The following LYPLAL1 variants were observed in gnomAD, a reference collection of about 807,000 sequenced individuals.
LYPLAL1 encodes the protein lysophospholipase-like protein 1.
LYPLAL1 carries 23 observed loss-of-function variants against 19.7 expected under a neutral mutation model. The observed-to-expected ratio is 1.17, with a 90% CI of 0.84 to 1.65. The LOEUF is 1.65. Ranked by LOEUF, LYPLAL1 falls within the 40% of genes most tolerant of loss-of-function variation. The probability of loss-of-function intolerance (pLI) is 0.00; values close to 1 mark genes in which losing one functional copy is unlikely to be tolerated. For missense variants in LYPLAL1, 355 were observed against 279.4 expected (o/e 1.27, Z -1.93); for synonymous variants, 119 against 96.3 (o/e 1.24, Z -1.38).
the LYPLAL1 span, among the ~76,000 whole-genome samples, chr1:219,318,431 A>G: frequency 6.6e-6 from 1 of 151,910 alleles, no homozygotes; most frequent in Non-Finnish European, 1.5e-5. Context: ...TCACATTGCA[A>G]CTTGAATTGC....
At chr1:219,347,857 G>A in the LYPLAL1 span, among the ~76,000 whole-genome samples, 1 of 150,368 alleles carries the variant, frequency 6.7e-6, no homozygotes, top group African/African-American at 2.5e-5. Flanking sequence ...TCTCCTTGAT[G>A]CACAGAAAAA....
the LYPLAL1 span, among the ~76,000 whole-genome samples, chr1:219,373,882 CAAAA>C: frequency 1.9e-3 from 229 of 119,602 alleles, 2 homozygotes; most frequent in African/African-American, 6.2e-3. Flanking sequence ...AAAAAAAAAA[CAAAA>C]AAAAAAACAC....
At chr1:219,366,326 AC>A in the LYPLAL1 span, among the ~76,000 whole-genome samples, 1 of 152,252 alleles carries the variant, frequency 6.6e-6, no homozygotes, top group African/African-American at 2.4e-5. Context: ...TCATCTGGTT[AC>A]AGAAACAAGG....
chr1:219,344,331 C>T, the LYPLAL1 span, among the ~76,000 whole-genome samples: 1 of 152,176 alleles, frequency 6.6e-6, no homozygotes, highest in African/African-American at 2.4e-5. Context: ...GAAAGTGGCT[C>T]CTCCTTTGAC....
chr1:219,186,999 T>C (rs1283692231), intron 2 of LYPLAL1, among the ~76,000 whole-genome samples: 3 of 151,610 alleles, frequency 2.0e-5, no homozygotes, highest in Non-Finnish European at 4.4e-5. Flanking sequence ...ATGATATACA[T>C]AGCAAAGCTT....
chr1:219,342,219 C>G, the LYPLAL1 span, among the ~76,000 whole-genome samples: 2 of 152,046 alleles, frequency 1.3e-5, no homozygotes, highest in African/African-American at 4.8e-5. Context: ...TTTTGCATGA[C>G]TTGTAAGCAG....
the LYPLAL1 span, chr1:219,273,504 G>C: frequency 6.6e-6 from 1 of 152,222 alleles, no homozygotes; most frequent in African/African-American, 2.4e-5. Flanking sequence ...GTTAGGAAGA[G>C]TCAATTTACA....
At chr1:219,296,781 T>C in the LYPLAL1 span, among the ~76,000 whole-genome samples, 1 of 152,218 alleles carries the variant, frequency 6.6e-6, no homozygotes, top group Non-Finnish European at 1.5e-5. Context: ...TTAAACTTTT[T>C]GGCTCTCTTA....
the LYPLAL1 span, among the ~76,000 whole-genome samples, chr1:219,399,141 G>A: frequency 6.6e-6 from 1 of 152,322 alleles, no homozygotes; most frequent in East Asian, 1.9e-4. Flanking sequence ...CACCACAGTG[G>A]TGGAAGCAAC....
Position 219,212,716 on chromosome 1 carries a change from G to A in LYPLAL1, c.*988G>A, listed in dbSNP as rs1474713467. The A allele has an allele frequency of 6.6e-6, 1 of 151,900 alleles. No individual in the cohort carries two copies. The highest frequency in any genetic ancestry group is 1.5e-5 in the Non-Finnish European group (1 of 67,904). The allele number at this position is 151,900 out of a possible 1,614,324, so 9.4% of individuals were successfully genotyped here. A position where few individuals can be genotyped will look rare whatever the true frequency, so the allele number is the denominator to read the frequency against. ...AATTATCATGAGATTTTTCCATGTT[G>A]TGTACATCAATAGTTCATCTATTTT... On this transcript the variant is annotated 3_prime_UTR_variant, in exon 5 of 5. Transcript: ENST00000366928.
chr1:219,323,156 C>A, the LYPLAL1 span, among the ~76,000 whole-genome samples: 1 of 152,164 alleles, frequency 6.6e-6, no homozygotes, highest in East Asian at 1.9e-4. Context: ...TGAGATGCAG[C>A]GACATTTGGG....
the LYPLAL1 span, among the ~76,000 whole-genome samples, chr1:219,403,166 C>T: frequency 6.6e-6 from 1 of 152,210 alleles, no homozygotes; most frequent in Non-Finnish European, 1.5e-5. Context: ...CAATTATTTT[C>T]TCAGTGAAAA....
the LYPLAL1 span, among the ~76,000 whole-genome samples, chr1:219,373,914 C>T: frequency 6.7e-6 from 1 of 149,096 alleles, no homozygotes; most frequent in Non-Finnish European, 1.5e-5. Flanking sequence ...TTTGGAATTC[C>T]TTTTGGAAGA....
the LYPLAL1 span, among the ~76,000 whole-genome samples, chr1:219,361,922 T>G: frequency 6.6e-6 from 1 of 152,262 alleles, no homozygotes; most frequent in South Asian, 2.1e-4. Flanking sequence ...TTCTAAAACA[T>G]TTAATCTCTC....
chr1:219,353,576 C>T, the LYPLAL1 span, among the ~76,000 whole-genome samples: 1 of 152,298 alleles, frequency 6.6e-6, no homozygotes, highest in Non-Finnish European at 1.5e-5. Context: ...TAAAGGAAAG[C>T]TATGTTAGAC....
chr1:219,261,421 G>A, the LYPLAL1 span, among the ~76,000 whole-genome samples: 1 of 152,104 alleles, frequency 6.6e-6, no homozygotes, highest in Non-Finnish European at 1.5e-5. Flanking sequence ...ATTATAGTCA[G>A]TTGTCTTCAT....
chr1:219,400,791 C>T, the LYPLAL1 span, among the ~76,000 whole-genome samples: 2 of 152,204 alleles, frequency 1.3e-5, no homozygotes, highest in African/African-American at 4.8e-5. Context: ...TGAGCCACTG[C>T]ACCCGGCCTG....
At chr1:219,203,203 A>G (rs1231555727) in intron 3 of LYPLAL1, among the ~76,000 whole-genome samples, 1 of 149,974 alleles carries the variant, frequency 6.7e-6, no homozygotes, top group Non-Finnish European at 1.5e-5. Context: ...AAACAAAACT[A>G]CTCTCTGTAT....
the LYPLAL1 span, among the ~76,000 whole-genome samples, chr1:219,287,041 C>A: frequency 6.6e-6 from 1 of 152,206 alleles, no homozygotes; most frequent in Non-Finnish European, 1.5e-5. Context: ...AATAACACAT[C>A]TACCATGCAT....
Sources: gnomAD v4.1 joint callset for allele counts (sites outside exome capture counted in the v4.1 genomes callset) on GRCh38, gnomAD v4.1.1 for gene constraint, MANE v1.5 for transcripts, NCBI Gene and HGNC (gene_info 2026-07-23, HGNC 2026-07-21) for gene names.